SART3: variants seen among roughly 807,000 people sequenced by gnomAD.
SART3 encodes the protein spliceosome associated factor 3, U4/U6 recycling protein, also known as HIV-1 Tat-interacting protein of 110kDa.
A neutral mutation model predicts 122.3 loss-of-function variants in SART3; 44 were observed. The ratio of observed to expected loss-of-function variants is 0.36; its 90% confidence interval spans 0.28 to 0.46. The LOEUF (loss-of-function observed/expected upper bound fraction) is 0.46. Ranked by LOEUF, SART3 falls within the 20% of genes least tolerant of loss-of-function variation. The probability of loss-of-function intolerance (pLI) is 1.00; values close to 1 mark genes in which losing one functional copy is unlikely to be tolerated. For synonymous variants in SART3, 442 were observed against 454.0 expected (o/e 0.97, Z 0.34); for missense variants, 1,101 against 1,229.0 (o/e 0.90, Z 1.56).
chr12:108,545,092 T>A, intron 4 of SART3, 47 bp downstream of exon 4: 1 of 1,568,316 alleles, frequency 6.4e-7, no homozygotes, highest in Middle Eastern at 1.7e-4. Flanking sequence ...CCAAGGAGAC[T>A]TACAAAGACA....
Position 108,532,231 on chromosome 12 carries a change from T to C in SART3, c.1660A>G (p.Arg554Gly). The C allele has an allele frequency of 6.2e-7, 1 of 1,613,954 alleles. No homozygotes were observed. The highest frequency in any genetic ancestry group is 1.1e-5 in the South Asian group (1 of 91,078). ...HVCEVLLTME[R>G]TEGSLEDWDI... ...GAGCTGGGGGTCCCACCTTCTGTCC[T>C]CTCCATGGTGAGTAACACTTCGCAG... Residue 554 changes from arginine (R) to glycine (G), a missense_variant, in exon 13 of 19, where the codon AGG becomes GGG. Arg to Gly is a moderately radical substitution (Grantham distance 125, BLOSUM62 -2). This residue lies in a region of SART3 where 885 missense variants were observed against 1,080.1 expected (regional missense o/e 0.82). Transcript: ENST00000546815.
chr12:108,543,146 TC>T lies in SART3; in HGVS notation c.787del (p.Glu263ArgfsTer19). On this transcript the variant is annotated frameshift_variant, in exon 6 of 19. Transcript: ENST00000546815. LOFTEE classifies it high-confidence loss of function. ...RQLAIPLYDM[E>X]ATFAEYEEWS... ...TTCTTCATACTCTGCAAATGTGGCCTCCATATCTATTGAAAGATGGATTCAG... is the reference window on the plus strand; with the variant it reads ...TTCTTCATACTCTGCAAATGTGGCCTCATATCTATTGAAAGATGGATTCAG... 6.2e-7 allele frequency: 1 copy of T among 1,614,148 alleles called. No individual in the cohort carries two copies. Among genetic ancestry groups the T allele is most frequent in the Non-Finnish European group, 8.5e-7 (1 of 1,179,974 alleles).
intron 1 of SART3, among the ~76,000 whole-genome samples, chr12:108,557,967 C>G (rs1237368972): frequency 6.6e-6 from 1 of 152,054 alleles, no homozygotes. Context: ...AATTCAGCAC[C>G]TGCCTGGGCA....
At chr12:108,548,013 C>T (rs771749218) in intron 2 of SART3, 22 bp from the exon 3 acceptor site, 19 of 1,591,876 alleles carry the variant, frequency 1.2e-5, no homozygotes, top group African/African-American at 5.4e-5. Flanking sequence ...AAATACTTCC[C>T]GCATTAATAC....
chr12:108,535,471 A>G lies in SART3; in HGVS notation c.1447-3T>C, dbSNP rs1872864336. On this transcript the variant is annotated splice_polypyrimidine_tract_variant and splice_region_variant and intron_variant, in intron 11 of 18. Transcript: ENST00000546815. ...TGCATGTTATTGCACAGTCGAGCCT[A>G]AAGTGCATCAGCAGGCTGTTAGGAG... 6.2e-7 allele frequency: 1 copy of G among 1,613,396 alleles called. No individual in the cohort carries two copies.
At position 108,536,705 on chromosome 12, in the gene SART3, T is replaced by TA. The variant is rs760910481; in HGVS notation, c.1387+2dup. 1.9e-6 allele frequency: 3 copies of TA among 1,613,884 alleles called. No homozygotes were observed. Among genetic ancestry groups the TA allele is most frequent in the Non-Finnish European group, 1.7e-6 (2 of 1,179,902 alleles). Reference sequence around the variant, plus strand: ...GCAAAACCACAGGCTGGGGCATACTTACGCTCTTCCACCTCCTGCTTCAGA... The same window carrying TA: ...GCAAAACCACAGGCTGGGGCATACTTAACGCTCTTCCACCTCCTGCTTCAGA... On this transcript the variant is annotated splice_region_variant and intron_variant, in intron 10 of 18. Coordinates refer to ENST00000546815, the MANE Select transcript of SART3 (RefSeq NM_014706.4).
intron 18 of SART3, 81 bp from the exon 19 acceptor site, chr12:108,523,715 G>T: frequency 7.6e-6 from 9 of 1,185,108 alleles, no homozygotes; most frequent in African/African-American, 1.5e-5. Flanking sequence ...AGCCAAGACA[G>T]TTTTAATATA....
At chr12:108,531,408 C>T in intron 13 of SART3, 128 bp from the exon 14 acceptor site, 1 of 728,634 alleles carries the variant, frequency 1.4e-6, no homozygotes, top group Non-Finnish European at 2.4e-6. Context: ...AAATGTAATC[C>T]CTGTAGGCTT....
At chr12:108,547,207 C>T (rs1873466632) in intron 3 of SART3, among the ~76,000 whole-genome samples, 1 of 152,190 alleles carries the variant, frequency 6.6e-6, no homozygotes, top group South Asian at 2.1e-4. Flanking sequence ...GACAATTATA[C>T]TATATACAAG....
intron 1 of SART3, among the ~76,000 whole-genome samples, chr12:108,551,371 C>G (rs1208489599): frequency 6.6e-6 from 1 of 152,154 alleles, no homozygotes; most frequent in Non-Finnish European, 1.5e-5. Flanking sequence ...CTCAAAGAGA[C>G]ACAGCAGCAA....
intron 3 of SART3, among the ~76,000 whole-genome samples, chr12:108,546,406 A>AT (rs1641963396): frequency 6.6e-6 from 1 of 151,952 alleles, no homozygotes; most frequent in Admixed American, 6.6e-5. Flanking sequence ...TCACCGTGAT[A>AT]GCCAGGATGG....
intron 3 of SART3, among the ~76,000 whole-genome samples, chr12:108,547,095 C>T (rs1031698282): frequency 2.6e-5 from 4 of 152,260 alleles, no homozygotes; most frequent in Admixed American, 6.5e-5. Context: ...TCTGGGATTA[C>T]AGGCGTGAGC....
intron 1 of SART3, among the ~76,000 whole-genome samples, chr12:108,557,206 GTTTTTTTTTTTTTT>G (rs71076787): frequency 3.6e-5 from 3 of 82,930 alleles, no homozygotes; most frequent in Non-Finnish European, 6.4e-5. Context: ...TAATGACATA[GTTTTTTTTTTTTTT>G]TTTTTTTTTT....
intron 13 of SART3, chr12:108,532,013 C>T: frequency 7.0e-6 from 4 of 570,906 alleles, no homozygotes; most frequent in East Asian, 3.3e-5. Context: ...GCTACAGTGA[C>T]ATCACAGAGT....
rs1353791670 is a variant in SART3, at chr12:108,536,983, C to T, written c.1310-198G>A. The T allele has an allele frequency of 1.3e-5, 8 of 596,998 alleles. 1 individual carries two copies. Among genetic ancestry groups the T allele is most frequent in the Admixed American group, 1.1e-4 (4 of 37,548 alleles). The allele number at this position is 596,998 out of a possible 1,614,324, so 37.0% of individuals were successfully genotyped here. On this transcript the variant is annotated intron_variant, in intron 9 of 18. Transcript: ENST00000546815. The stretch of plus-strand genomic sequence containing the variant: ...TTTGAACAGAATAGAGCATGGACAG[C>T]GTGGTGAAAAAGGCAAACACAGGGT...
intron 1 of SART3, among the ~76,000 whole-genome samples, chr12:108,551,093 T>C (rs1451051996): frequency 1.3e-5 from 2 of 152,068 alleles, no homozygotes; most frequent in Non-Finnish European, 2.9e-5. Flanking sequence ...GTACAAGAAA[T>C]TCATTTCAAA....
Position 108,531,274 on chromosome 12 carries a change from A to C in SART3, c.1676T>G (p.Leu559Ter). The change falls in exon 14 of 19, where the codon TTA becomes TGA. Residue 559 changes from leucine to a stop codon, truncating the protein, a stop_gained. Coordinates refer to ENST00000546815, the MANE Select transcript of SART3 (RefSeq NM_014706.4). LOFTEE classifies it high-confidence loss of function. ...LLTMERTEGS[L>*]EDWDIAVQKT... ...CTGAACAGCTATATCCCAATCTTCT[A>C]AAGAACCTTGAAAGAAAGAGAAGCA... 6.2e-7 allele frequency: 1 copy of C among 1,613,458 alleles called. No homozygotes were observed. Among genetic ancestry groups the C allele is most frequent in the Non-Finnish European group, 8.5e-7 (1 of 1,179,464 alleles).
rs201521980 is a variant in SART3, at chr12:108,535,389, T to C, written c.1526A>G (p.Asn509Ser). 5.2e-5 allele frequency: 84 copies of C among 1,613,912 alleles called. No individual in the cohort carries two copies. Among genetic ancestry groups the C allele is most frequent in the Non-Finnish European group, 6.8e-6 (8 of 1,179,964 alleles). ...IMTRGNAKYANMWLEYYNLER... is the reference protein window; with the variant it reads ...IMTRGNAKYASMWLEYYNLER... ...CAGGTTGTAATACTCTAGCCACATG[T>C]TGGCGTACTTGGCATTTCCTCTGGT... The change falls in exon 12 of 19, where the codon AAC (asparagine) becomes AGC (serine). Residue 509 changes from asparagine (N) to serine (S), a missense_variant. Transcript: ENST00000546815.
chr12:108,549,224 A>G lies in SART3; in HGVS notation c.313-10T>C, dbSNP rs1429855159. On this transcript the variant is annotated splice_polypyrimidine_tract_variant and intron_variant, in intron 1 of 18. Coordinates refer to ENST00000546815, the MANE Select transcript of SART3 (RefSeq NM_014706.4). ...AGACGTTGATAGACAACTAACAGGAAAAGAAACAAGTTGAAATTTAAAACA... is the reference window on the plus strand; with the variant it reads ...AGACGTTGATAGACAACTAACAGGAGAAGAAACAAGTTGAAATTTAAAACA... The G allele has an allele frequency of 6.2e-7, 1 of 1,614,122 alleles. No homozygotes were observed. Among genetic ancestry groups the G allele is most frequent in the Admixed American group, 1.7e-5 (1 of 60,030 alleles).
Sources: allele counts gnomAD v4.1 joint callset (sites outside exome capture counted in the v4.1 genomes callset), GRCh38; gene constraint gnomAD v4.1.1; regional missense constraint gnomAD v4.1.1; transcripts MANE v1.5; gene names NCBI Gene and HGNC (gene_info 2026-07-23, HGNC 2026-07-21).